The following INTS6 variants were observed in gnomAD, a reference collection of about 807,000 sequenced individuals.
INTS6 encodes the protein integrator complex subunit 6.
A neutral mutation model predicts 104.9 loss-of-function variants in INTS6; 16 were observed. The ratio of observed to expected loss-of-function variants is 0.15; its 90% confidence interval spans 0.10 to 0.23. The LOEUF is 0.23. Ranked by LOEUF, INTS6 falls within the 10% of genes least tolerant of loss-of-function variation. The pLI is 1.00. For missense variants in INTS6, 584 were observed against 1,062.8 expected (o/e 0.55, Z 6.26); for synonymous variants, 324 against 358.7 (o/e 0.90, Z 1.09).
intron 4 of INTS6, chr13:51,421,071 A>T: frequency 1.1e-6 from 1 of 882,578 alleles, no homozygotes; most frequent in Non-Finnish European, 1.4e-6. Context: ...TCCAACAAAT[A>T]GTCATAGCCC....
intron 4 of INTS6, among the ~76,000 whole-genome samples, chr13:51,410,481 T>C (rs2138029894): frequency 6.6e-6 from 1 of 152,162 alleles, no homozygotes; most frequent in South Asian, 2.1e-4. Flanking sequence ...ATCTCTCCAA[T>C]AAAAATGCTG....
chr13:51,362,143 T>G lies in INTS6; in HGVS notation c.*3609A>C. On this transcript the variant is annotated 3_prime_UTR_variant, in exon 18 of 18. Transcript: ENST00000311234. ...TCATATATAGTTAATGTAGATTTTT[T>G]TTTTTAATGCTATAGGTTTCTACTT... 1 of 1,186,802 alleles carries G rather than the reference T, an allele frequency of 8.4e-7. No individual in the cohort carries two copies. Among genetic ancestry groups the G allele is most frequent in the Non-Finnish European group, 1.1e-6 (1 of 897,708 alleles). 73.5% of individuals were successfully genotyped at this position (1,186,802 alleles called of 1,614,324 possible). A position where few individuals can be genotyped will look rare whatever the true frequency, so the allele number is the denominator to read the frequency against.
the INTS6 span, among the ~76,000 whole-genome samples, chr13:51,335,284 T>C: frequency 2.6e-5 from 4 of 152,282 alleles, no homozygotes; most frequent in East Asian, 7.7e-4. Context: ...ATACTCTATG[T>C]GGACTACAAA....
chr13:51,372,158 G>A (rs533030964), intron 15 of INTS6, among the ~76,000 whole-genome samples: 4 of 152,034 alleles, frequency 2.6e-5, no homozygotes, highest in African/African-American at 9.7e-5. Flanking sequence ...TTAACTGGTC[G>A]TTTATACTCA....
chr13:51,387,111 G>A (rs1956153882), intron 7 of INTS6, among the ~76,000 whole-genome samples: 1 of 152,082 alleles, frequency 6.6e-6, no homozygotes, highest in Non-Finnish European at 1.5e-5. Context: ...AGTCTAAAGA[G>A]GAAATTTTGA....
At chr13:51,428,450 G>T (rs935981298) in intron 4 of INTS6, among the ~76,000 whole-genome samples, 3 of 150,970 alleles carry the variant, frequency 2.0e-5, no homozygotes, top group Non-Finnish European at 4.4e-5. Context: ...TTAGCCTCCT[G>T]AGTAGCTGGG....
chr13:51,334,982 CAAAAAAA>C, the INTS6 span, among the ~76,000 whole-genome samples: 1 of 70,810 alleles, frequency 1.4e-5, no homozygotes, highest in Non-Finnish European at 2.8e-5. Context: ...GACTCCGTCT[CAAAAAAA>C]AAAAAAAAAA....
chr13:51,352,892 G>A (rs1955420968), downstream of INTS6, among the ~76,000 whole-genome samples: 1 of 151,990 alleles, frequency 6.6e-6, no homozygotes, highest in South Asian at 2.1e-4. Context: ...CTATTAATAT[G>A]GTATATTATA....
intron 3 of INTS6, chr13:51,437,938 G>A (rs1202360626): frequency 5.3e-5 from 8 of 152,208 alleles, no homozygotes; most frequent in Admixed American, 4.6e-4. Flanking sequence ...GAACCTGGGA[G>A]GCAGAGATTA....
intron 4 of INTS6, among the ~76,000 whole-genome samples, chr13:51,397,335 T>C (rs931993930): frequency 3.9e-5 from 6 of 152,220 alleles, no homozygotes; most frequent in Non-Finnish European, 8.8e-5. Context: ...AAAAGATTCA[T>C]GCCATGAGAA....
chr13:51,402,342 C>A (rs1263606335), intron 4 of INTS6, among the ~76,000 whole-genome samples: 1 of 152,084 alleles, frequency 6.6e-6, no homozygotes, highest in African/African-American at 2.4e-5. Context: ...CTCAAGTAAC[C>A]CATGCTATAT....
At chr13:51,419,325 T>C (rs1346452075) in intron 4 of INTS6, among the ~76,000 whole-genome samples, 2 of 152,204 alleles carry the variant, frequency 1.3e-5, no homozygotes, top group Admixed American at 1.3e-4. Flanking sequence ...GTTCAATCTA[T>C]AAGGTTTTCA....
At chr13:51,408,044 T>A (rs1184530346) in intron 4 of INTS6, among the ~76,000 whole-genome samples, 1 of 150,124 alleles carries the variant, frequency 6.7e-6, no homozygotes, top group East Asian at 1.9e-4. Context: ...TACAATAACA[T>A]TTTCAATGCT....
At chr13:51,347,574 G>A in the INTS6 span, among the ~76,000 whole-genome samples, 205 of 152,260 alleles carry the variant, frequency 1.3e-3, 1 homozygote, top group African/African-American at 4.6e-3. Flanking sequence ...CTTTAAGATC[G>A]GGTACAGTAG....
rs140405374 is a variant in INTS6 at position 51,433,401 on chromosome 13, T to C, written c.340-3018A>G. ...AGGTGGAGGTTGCAGTGAGTCAAGATCGTGCCACTGCACTCCAGCCTGGGC... is the reference window on the plus strand; with the variant it reads ...AGGTGGAGGTTGCAGTGAGTCAAGACCGTGCCACTGCACTCCAGCCTGGGC... On this transcript the variant is annotated intron_variant, in intron 3 of 17. Transcript: ENST00000311234. Among the ~76,000 whole-genome samples, 220 of 152,328 alleles carry C rather than the reference T, an allele frequency of 1.4e-3. 3 individuals carry two copies. The East Asian group carries it at 0.037, about 26-fold the overall frequency.
At chr13:51,385,390 C>CCTA (rs1566215625) in intron 7 of INTS6, 1 of 152,186 alleles carries the variant, frequency 6.6e-6, no homozygotes. Context: ...TGCTCCTGTG[C>CCTA]CTAGCATGCA....
chr13:51,434,102 T>C (rs9316544), intron 3 of INTS6, among the ~76,000 whole-genome samples: 132,729 of 152,232 alleles, frequency 0.87, 58,091 homozygotes, highest in Non-Finnish European at 0.91. Flanking sequence ...GATTGTGCCA[T>C]ATTTACCCAA....
At chr13:51,334,982 C>CAAAAAAAAAAAAAAAAAA in the INTS6 span, among the ~76,000 whole-genome samples, 1 of 70,810 alleles carries the variant, frequency 1.4e-5, no homozygotes, top group African/African-American at 5.4e-5. Context: ...GACTCCGTCT[C>CAAAAAAAAAAAAAAAAAA]AAAAAAAAAA....
At chr13:51,385,807 C>G (rs1332917144) in intron 7 of INTS6, among the ~76,000 whole-genome samples, 1 of 152,114 alleles carries the variant, frequency 6.6e-6, no homozygotes, top group East Asian at 1.9e-4. Flanking sequence ...CATCATAATT[C>G]AACCACTTAA....
Sources: allele counts gnomAD v4.1 joint callset (sites outside exome capture counted in the v4.1 genomes callset), GRCh38; gene constraint gnomAD v4.1.1; transcripts MANE v1.5; gene names NCBI Gene and HGNC (gene_info 2026-07-23, HGNC 2026-07-21).